SEZ6L: variants seen among roughly 807,000 people sequenced by gnomAD.
SEZ6L encodes seizure 6-like protein.
Under a neutral mutation model 106.2 loss-of-function variants are expected in SEZ6L, and 37 were observed. The ratio of observed to expected loss-of-function variants is 0.35; its 90% CI spans 0.27 to 0.46. The LOEUF is 0.46. Ranked by LOEUF, SEZ6L falls within the 20% of genes least tolerant of loss-of-function variation. The pLI is 1.00. For synonymous variants in SEZ6L, 541 were observed against 570.4 expected, an observed-to-expected ratio of 0.95 and a Z score of 0.73; for missense variants, 1,172 against 1,332.8, an observed-to-expected ratio of 0.88 and a Z score of 1.88.
At position 26,333,371 on chromosome 22, in the gene SEZ6L, G is replaced by T. The variant is rs536699718; in HGVS notation, c.2016-7065G>T. Among the ~76,000 whole-genome samples the T allele has an allele frequency of 3.3e-5, 5 of 152,284 alleles. No homozygotes were observed. The South Asian group carries it at 8.3e-4, about 25-fold the overall frequency. ...CCAACAAGAAGCCCTAGAGGCAGGC[G>T]GGGCAGAAATCCCTTGAGGCAGCCT... On this transcript the variant is annotated intron_variant, in intron 9 of 16. Coordinates refer to ENST00000248933, the MANE Select transcript of SEZ6L (RefSeq NM_021115.5).
At chr22:26,363,652 A>C (rs2083709670) in intron 12 of SEZ6L, among the ~76,000 whole-genome samples, 1 of 152,246 alleles carries the variant, frequency 6.6e-6, no homozygotes, top group Non-Finnish European at 1.5e-5. Flanking sequence ...CGCTTCAAAC[A>C]ACACGTTTAT....
At chr22:26,304,343 G>A (rs1369254373) in intron 5 of SEZ6L, among the ~76,000 whole-genome samples, 10 of 121,282 alleles carry the variant, frequency 8.2e-5, no homozygotes, top group African/African-American at 3.3e-4. Context: ...CAGAGCAAGA[G>A]TTTGTCTCAA....
chr22:26,260,323 G>A (rs1001052699), intron 1 of SEZ6L, among the ~76,000 whole-genome samples: 6 of 151,944 alleles, frequency 3.9e-5, no homozygotes, highest in Non-Finnish European at 8.8e-5. Context: ...GAAGTCTATG[G>A]TATCATTCTT....
At chr22:26,187,302 C>T (rs998341838) in intron 1 of SEZ6L, among the ~76,000 whole-genome samples, 5 of 152,178 alleles carry the variant, frequency 3.3e-5, no homozygotes, top group Admixed American at 6.5e-5. Context: ...CTCACTATCA[C>T]GAGAACAGCA....
At chr22:26,252,891 A>G (rs772907180) in intron 1 of SEZ6L, among the ~76,000 whole-genome samples, 1 of 152,254 alleles carries the variant, frequency 6.6e-6, no homozygotes, top group Non-Finnish European at 1.5e-5. Flanking sequence ...ATGCAAGTGC[A>G]TGTGTCATTT....
At chr22:26,298,496 A>G (rs1163336442) in intron 4 of SEZ6L, among the ~76,000 whole-genome samples, 1 of 152,212 alleles carries the variant, frequency 6.6e-6, no homozygotes, top group Non-Finnish European at 1.5e-5. Context: ...GTAAACTCAC[A>G]TTAGTTTTCT....
chr22:26,287,550 G>A (rs947195430), intron 1 of SEZ6L, among the ~76,000 whole-genome samples: 5 of 152,066 alleles, frequency 3.3e-5, no homozygotes. Flanking sequence ...GAAAAACAAG[G>A]CTATTGGGGC....
intron 1 of SEZ6L, among the ~76,000 whole-genome samples, chr22:26,262,690 C>A (rs1009130668): frequency 5.3e-5 from 8 of 152,100 alleles, no homozygotes; most frequent in African/African-American, 1.9e-4. Context: ...AACCTGAAAT[C>A]CAGGTAAGAA....
intron 1 of SEZ6L, chr22:26,253,931 C>T (rs182964997): frequency 9.2e-5 from 14 of 152,156 alleles, no homozygotes; most frequent in South Asian, 6.2e-4. Context: ...AAAATCTGGA[C>T]GACAAAACAC....
At chr22:26,364,001 G>A (rs995080880) in intron 12 of SEZ6L, among the ~76,000 whole-genome samples, 6 of 152,190 alleles carry the variant, frequency 3.9e-5, no homozygotes, top group African/African-American at 7.2e-5. Context: ...GATCCCAGGG[G>A]CTAGGGTAAG....
At chr22:26,222,872 A>G (rs911220279) in intron 1 of SEZ6L, among the ~76,000 whole-genome samples, 1 of 152,142 alleles carries the variant, frequency 6.6e-6, no homozygotes, top group African/African-American at 2.4e-5. Flanking sequence ...GAGATATCTG[A>G]CAATGTCTGG....
intron 1 of SEZ6L, among the ~76,000 whole-genome samples, chr22:26,261,781 G>T (rs1437335723): frequency 6.6e-6 from 1 of 152,158 alleles, no homozygotes; most frequent in Non-Finnish European, 1.5e-5. Flanking sequence ...GGGTAGATAA[G>T]CGTGAATAAA....
At chr22:26,178,532 G>C (rs1471426091) in intron 1 of SEZ6L, among the ~76,000 whole-genome samples, 1 of 152,186 alleles carries the variant, frequency 6.6e-6, no homozygotes, top group Admixed American at 6.5e-5. Flanking sequence ...CTGGAGATTA[G>C]AACAAGGTAG....
At chr22:26,286,867 C>T (rs1412926373) in intron 1 of SEZ6L, among the ~76,000 whole-genome samples, 1 of 151,396 alleles carries the variant, frequency 6.6e-6, no homozygotes, top group Non-Finnish European at 1.5e-5. Flanking sequence ...CCCGCCTCAG[C>T]TTCCCAAGTA....
In SEZ6L at chr22:26,299,177, C is replaced by T. The variant is rs751126293; in HGVS notation, c.1348+8C>T. ...AGGAGCCCATCTGCTCAGGTATGCT[C>T]CAGCCTCAGCCGGACCAAACCTGAT... On this transcript the variant is annotated splice_region_variant and intron_variant, in intron 5 of 16. Coordinates refer to ENST00000248933, the MANE Select transcript of SEZ6L (RefSeq NM_021115.5). 2.8e-6 allele frequency: 4 copies of T among 1,446,432 alleles called. No homozygotes were observed. Among genetic ancestry groups the T allele is most frequent in the Non-Finnish European group, 3.7e-6 (4 of 1,091,282 alleles). 89.6% of individuals were successfully genotyped at this position (1,446,432 alleles called of 1,614,324 possible). A position where few individuals can be genotyped will look rare whatever the true frequency, so the allele number is the denominator to read the frequency against.
chr22:26,373,430 G>T (rs768207083), intron 13 of SEZ6L, 21 bp from the exon 14 acceptor site: 1 of 1,599,578 alleles, frequency 6.3e-7, no homozygotes, highest in Admixed American at 1.8e-5. Flanking sequence ...ATTGACCAAT[G>T]CTTCCTGATT....
At chr22:26,309,379 A>G (rs1029408218) in intron 6 of SEZ6L, among the ~76,000 whole-genome samples, 2 of 152,184 alleles carry the variant, frequency 1.3e-5, no homozygotes, top group African/African-American at 4.8e-5. Flanking sequence ...GAACGACGTT[A>G]TGGTTGGGTC....
intron 10 of SEZ6L, among the ~76,000 whole-genome samples, chr22:26,341,285 T>A (rs2082827296): frequency 6.6e-6 from 1 of 151,408 alleles, no homozygotes. Flanking sequence ...AAAAAAAACC[T>A]GCTATCAAAT....
At position 26,382,806 on chromosome 22, in the gene SEZ6L, T is replaced by G. The variant is rs1198484959; in HGVS notation, c.*2511T>G. The G allele has an allele frequency of 6.6e-6, 1 of 152,190 alleles. No individual in the cohort carries two copies. Among genetic ancestry groups the G allele is most frequent in the Non-Finnish European group, 1.5e-5 (1 of 68,036 alleles). The allele number at this position is 152,190 out of a possible 1,614,324, so 9.4% of individuals were successfully genotyped here. ...CTCATGTACGTCTGTTTTTATAAGA[T>G]CAATATTAAAACCCATTGGGATTAA... On this transcript the variant is annotated 3_prime_UTR_variant, in exon 17 of 17. Coordinates refer to ENST00000248933, the MANE Select transcript of SEZ6L (RefSeq NM_021115.5).
Sources: gnomAD v4.1 joint callset for allele counts (sites outside exome capture counted in the v4.1 genomes callset) on GRCh38, gnomAD v4.1.1 for gene constraint, MANE v1.5 for transcripts, NCBI Gene and HGNC (gene_info 2026-07-23, HGNC 2026-07-21) for gene names.